The following AKAP6 variants were observed in gnomAD, a reference collection of about 807,000 sequenced individuals.
AKAP6 encodes A-kinase anchor protein 6.
In AKAP6, 58 loss-of-function variants were observed where a neutral mutation model predicts 188.5. The ratio of observed to expected loss-of-function variants is 0.31; its 90% CI spans 0.25 to 0.38. The LOEUF is 0.38. Ranked by LOEUF, AKAP6 falls within the 10% of genes least tolerant of loss-of-function variation. AKAP6 has a pLI of 1.00. For synonymous variants in AKAP6, 989 were observed against 998.6 expected, an observed-to-expected ratio of 0.99 and a Z score of 0.18; for missense variants, 2,710 against 2,740.0, an observed-to-expected ratio of 0.99 and a Z score of 0.24.
chr14:32,821,111 A>T (rs1312380485), intron 12 of AKAP6, among the ~76,000 whole-genome samples: 1 of 152,224 alleles, frequency 6.6e-6, no homozygotes, highest in Non-Finnish European at 1.5e-5. Context: ...CAAAATGTAG[A>T]TGAATCAATA....
chr14:32,695,802 T>C (rs1211686895), intron 8 of AKAP6, among the ~76,000 whole-genome samples, 188 bp from the exon 9 acceptor site: 1 of 152,200 alleles, frequency 6.6e-6, no homozygotes, highest in Non-Finnish European at 1.5e-5. Flanking sequence ...TTTCACAATC[T>C]AAGAGGTGGC....
chr14:32,633,435 G>A (rs1417996191), intron 7 of AKAP6, among the ~76,000 whole-genome samples: 1 of 152,018 alleles, frequency 6.6e-6, no homozygotes, highest in Non-Finnish European at 1.5e-5. Context: ...CCCCTTTTCT[G>A]TAAGAGGATT....
chr14:32,522,818 T>G (rs933137374), intron 2 of AKAP6, among the ~76,000 whole-genome samples: 29 of 152,154 alleles, frequency 1.9e-4, no homozygotes, highest in East Asian at 7.7e-4. Context: ...AATACCATTT[T>G]ACCCAGCCAT....
chr14:32,756,142 T>C (rs1488994663), intron 11 of AKAP6, among the ~76,000 whole-genome samples: 1 of 152,168 alleles, frequency 6.6e-6, no homozygotes, highest in Non-Finnish European at 1.5e-5. Flanking sequence ...TATAGGATCA[T>C]GCCTGGAGCT....
chr14:32,489,970 T>C lies in AKAP6; in HGVS notation c.325-45584T>C, dbSNP rs1055737048. 2.0e-5 allele frequency among the ~76,000 whole-genome samples: 3 copies of C among 152,178 alleles called. No homozygotes were observed. The South Asian group carries it at 6.2e-4, about 31-fold the overall frequency. The stretch of plus-strand genomic sequence containing the variant: ...GTGGTGGGATTATCATTAGTTCTTA[T>C]AGGTTTTGGGATAGGCAGTGGAGTT... On this transcript the variant is annotated intron_variant, in intron 2 of 13. Transcript: ENST00000280979.
chr14:32,510,776 A>G (rs1045075398), intron 2 of AKAP6, among the ~76,000 whole-genome samples: 2 of 152,154 alleles, frequency 1.3e-5, no homozygotes, highest in Admixed American at 6.5e-5. Context: ...TGATCACAGA[A>G]TATTTGTTCA....
chr14:32,748,832 C>T (rs993028407), intron 11 of AKAP6, among the ~76,000 whole-genome samples: 1 of 152,110 alleles, frequency 6.6e-6, no homozygotes, highest in South Asian at 2.1e-4. Flanking sequence ...GGCGGCACAC[C>T]ATTTACTTCG....
chr14:32,365,335 C>G (rs1296879648), intron 1 of AKAP6, among the ~76,000 whole-genome samples: 1 of 152,022 alleles, frequency 6.6e-6, no homozygotes, highest in Admixed American at 6.5e-5. Context: ...CATTTCCACA[C>G]TGTGTCTTTA....
At position 32,600,657 on chromosome 14, in the gene AKAP6, A is replaced by G; in HGVS notation, c.2595A>G (p.Ala865=). ...TGAAGGACATGCTGCGGATGATTGCAAGTCAATGGAAGGAGCTGCAGAGGC... is the reference window on the plus strand; with the variant it reads ...TGAAGGACATGCTGCGGATGATTGCGAGTCAATGGAAGGAGCTGCAGAGGC... ...AGLKDMLRMI[A]SQWKELQRQI... is the part of the protein sequence containing the mutation. Residue 865 remains alanine (A), a synonymous_variant, in exon 7 of 14, where the codon GCA becomes GCG. Transcript: ENST00000280979. The G allele has an allele frequency of 2.5e-6, 4 of 1,613,272 alleles. No individual in the cohort carries two copies. The highest frequency in any genetic ancestry group is 1.7e-4 in the Middle Eastern group (1 of 5,982).
At chr14:32,403,894 G>A (rs1228580626) in intron 1 of AKAP6, among the ~76,000 whole-genome samples, 3 of 152,090 alleles carry the variant, frequency 2.0e-5, no homozygotes, top group Non-Finnish European at 2.9e-5. Context: ...ATCACATTGA[G>A]GTCAGATCAG....
At chr14:32,676,725 G>A (rs759653474) in intron 7 of AKAP6, among the ~76,000 whole-genome samples, 1 of 152,250 alleles carries the variant, frequency 6.6e-6, no homozygotes, top group East Asian at 1.9e-4. Context: ...TTTTAGCAGT[G>A]TTTCTTTAAG....
chr14:32,726,155 C>T lies in AKAP6; in HGVS notation c.3001-6299C>T, dbSNP rs924157929. ...GTTATTTTCTTTTACACACCATAGA[C>T]TTTTCATTACATTTTCATTCAGGAC... On this transcript the variant is annotated intron_variant, in intron 9 of 13. Transcript: ENST00000280979. 3 of 981,286 alleles carry T rather than the reference C, an allele frequency of 3.1e-6. No individual in the cohort carries two copies. In the African/African-American group the frequency reaches 5.2e-5, roughly 17 times the overall value. 60.8% of individuals were successfully genotyped at this position (981,286 alleles called of 1,614,324 possible).
At chr14:32,507,221 ATTAC>A (rs1244866160) in intron 2 of AKAP6, among the ~76,000 whole-genome samples, 1 of 152,214 alleles carries the variant, frequency 6.6e-6, no homozygotes, top group African/African-American at 2.4e-5. Flanking sequence ...CATTTATAGA[ATTAC>A]TTATAGAAAA....
At chr14:32,583,553 G>A (rs1370612749) in intron 5 of AKAP6, among the ~76,000 whole-genome samples, 1 of 152,220 alleles carries the variant, frequency 6.6e-6, no homozygotes, top group South Asian at 2.1e-4. Flanking sequence ...CTGTCTTTTT[G>A]TTTGTCTGTG....
chr14:32,713,200 A>G lies in AKAP6; in HGVS notation c.3000+17090A>G, dbSNP rs566550427. ...TTATTCTGAGCCATAGGTCCCCACA[A>G]TGGGCTTAAAATATATAGTAAACTG... On this transcript the variant is annotated intron_variant, in intron 9 of 13. Coordinates refer to ENST00000280979, the MANE Select transcript of AKAP6 (RefSeq NM_004274.5). 1.1e-4 allele frequency among the ~76,000 whole-genome samples: 16 copies of G among 152,116 alleles called. No individual in the cohort carries two copies. The East Asian group carries it at 3.1e-3, about 29-fold the overall frequency.
rs1555344439 is a variant in AKAP6, at chr14:32,609,922, C to CAT, written c.2730+9130_2730+9131insAT. 1.1e-4 allele frequency among the ~76,000 whole-genome samples: 16 copies of CAT among 144,944 alleles called. 1 individual carries two copies. In the East Asian group the frequency reaches 1.6e-3, roughly 15 times the overall value. On this transcript the variant is annotated intron_variant, in intron 7 of 13. Coordinates refer to ENST00000280979, the MANE Select transcript of AKAP6 (RefSeq NM_004274.5). ...ACACACACACACACACACACACACACGTTCATTCCTTTCTCAGTCTCTGGA... is the reference window on the plus strand; with the variant it reads ...ACACACACACACACACACACACACACATGTTCATTCCTTTCTCAGTCTCTGGA...
intron 5 of AKAP6, among the ~76,000 whole-genome samples, chr14:32,590,918 C>A (rs1885460273): frequency 6.6e-6 from 1 of 152,038 alleles, no homozygotes; most frequent in Non-Finnish European, 1.5e-5. Context: ...GGTTTGGTTC[C>A]CCCTCTCAAA....
At chr14:32,754,883 C>T (rs931942020) in intron 11 of AKAP6, among the ~76,000 whole-genome samples, 1 of 152,274 alleles carries the variant, frequency 6.6e-6, no homozygotes. Flanking sequence ...GTTAAAGCTA[C>T]CCTTGTAAAT....
intron 10 of AKAP6, among the ~76,000 whole-genome samples, chr14:32,734,842 T>TAA (rs2031339948): frequency 1.3e-5 from 2 of 152,306 alleles, no homozygotes; most frequent in South Asian, 4.1e-4. Flanking sequence ...ATTTATGTTT[T>TAA]AAAGCTTATT....
Sources: gnomAD v4.1 joint callset for allele counts (sites outside exome capture counted in the v4.1 genomes callset) on GRCh38, gnomAD v4.1.1 for gene constraint, MANE v1.5 for transcripts, NCBI Gene and HGNC (gene_info 2026-07-23, HGNC 2026-07-21) for gene names.